CCDC146: variants seen among roughly 807,000 people sequenced by gnomAD.
CCDC146 encodes coiled-coil domain-containing protein 146.
Under a neutral mutation model 119.3 loss-of-function variants are expected in CCDC146, and 92 were observed. That is an observed-to-expected ratio of 0.77 (90% CI 0.65 to 0.92). The LOEUF is 0.92. CCDC146 is among the 40% of genes least tolerant of loss of function. The pLI is 0.00. For synonymous variants in CCDC146, 372 were observed against 371.8 expected (o/e 1.00, Z -0.01); for missense variants, 1,000 against 1,103.0 (o/e 0.91, Z 1.32).
chr7:77,204,909 A>G (rs895701975), intron 2 of CCDC146, among the ~76,000 whole-genome samples: 5 of 152,210 alleles, frequency 3.3e-5, no homozygotes, highest in African/African-American at 4.8e-5. Context: ...ACTTGAGGCC[A>G]GAAATTCAAG....
intron 6 of CCDC146, chr7:77,257,108 A>AAAC (rs1013395848): frequency 1.3e-5 from 2 of 153,352 alleles, no homozygotes; most frequent in Non-Finnish European, 2.9e-5. Context: ...TCCCTCTCAA[A>AAAC]AACAACAACA....
At chr7:77,234,573 A>G (rs145792589) in intron 2 of CCDC146, among the ~76,000 whole-genome samples, 1,650 of 152,080 alleles carry the variant, frequency 0.011, 27 homozygotes, top group African/African-American at 0.038. Flanking sequence ...CATCTCTACT[A>G]AAATACAAAA....
intron 2 of CCDC146, chr7:77,195,611 G>C (rs541941687): frequency 6.6e-6 from 1 of 152,046 alleles, no homozygotes; most frequent in Non-Finnish European, 1.5e-5. Context: ...TTAAATCATG[G>C]CCCAAATACA....
intron 2 of CCDC146, among the ~76,000 whole-genome samples, chr7:77,185,372 A>G (rs552721713): frequency 9.2e-5 from 14 of 152,202 alleles, no homozygotes; most frequent in Non-Finnish European, 1.9e-4. Flanking sequence ...ACGTTTAAAC[A>G]TAAACACAAG....
intron 2 of CCDC146, chr7:77,193,573 A>G (rs1791809534): frequency 6.6e-6 from 1 of 152,214 alleles, no homozygotes; most frequent in Non-Finnish European, 1.5e-5. Context: ...TTCAAAAGTA[A>G]AGACCACAAG....
At chr7:77,221,169 A>G (rs1402344307) in intron 2 of CCDC146, among the ~76,000 whole-genome samples, 1 of 152,154 alleles carries the variant, frequency 6.6e-6, no homozygotes, top group African/African-American at 2.4e-5. Context: ...ATCCACCCCC[A>G]TGATCCAGTC....
chr7:77,293,091 A>G lies in CCDC146; in HGVS notation c.2555A>G (p.Asn852Ser), dbSNP rs1422453055. 3 of 1,614,110 alleles carry G rather than the reference A, an allele frequency of 1.9e-6. No individual in the cohort carries two copies. Among genetic ancestry groups the G allele is most frequent in the Non-Finnish European group, 2.5e-6 (3 of 1,180,048 alleles). Residue 852 changes from asparagine to serine, a missense_variant, in exon 18 of 19, where the codon AAT becomes AGT. Physicochemically the swap from Asn to Ser is conservative, Grantham distance 46 (BLOSUM62 1). Around this residue, in one of 2 missense-constraint regions of CCDC146, gnomAD observed 985 missense variants for 1,045.3 expected, o/e 0.94. Transcript: ENST00000285871. The stretch of plus-strand genomic sequence containing the variant: ...AAAGAAGACTTCATCTTCACTTGCA[A>G]TTCCAGGATAGAAAAAGGTCTGCCA... Reference protein sequence around the residue: ...REKEDFIFTCNSRIEKGLPLN... With the variant: ...REKEDFIFTCSSRIEKGLPLN...
At chr7:77,285,650 C>T (rs897241211) in intron 15 of CCDC146, among the ~76,000 whole-genome samples, 1 of 152,160 alleles carries the variant, frequency 6.6e-6, no homozygotes, top group African/African-American at 2.4e-5. Context: ...CACAGGTATT[C>T]AGTAGGAAAA....
rs1491441644 is a variant in CCDC146 at position 77,292,302 on chromosome 7, T to TTTTTC, written c.2416-646_2416-645insCTTTT. ...GAACAAGACCTTGTCTTTATTTTAA[T>TTTTTC]TTTTTTTTTTTTTTTTTTAAAGAAC... On this transcript the variant is annotated intron_variant, in intron 17 of 18. Transcript: ENST00000285871. 1.3e-3 allele frequency among the ~76,000 whole-genome samples: 4 copies of TTTTTC among 3,026 alleles called. No individual in the cohort carries two copies. The African/African-American group carries it at 0.043, about 32-fold the overall frequency. The allele number at this position is 3,026 out of a possible 152,430, so 2.0% of individuals were successfully genotyped here. A position where few individuals can be genotyped will look rare whatever the true frequency, so the allele number is the denominator to read the frequency against.
At chr7:77,188,616 T>A (rs189789782) in intron 2 of CCDC146, among the ~76,000 whole-genome samples, 43 of 152,240 alleles carry the variant, frequency 2.8e-4, no homozygotes, top group African/African-American at 9.9e-4. Flanking sequence ...AGGTGGTATC[T>A]CCAAGAAGAT....
At chr7:77,155,439 A>T (rs771309422) in intron 1 of CCDC146, among the ~76,000 whole-genome samples, 4 of 152,028 alleles carry the variant, frequency 2.6e-5, no homozygotes, top group Non-Finnish European at 5.9e-5. Flanking sequence ...GCCTGCCTGT[A>T]TTGTTGATCC....
chr7:77,205,341 C>T (rs1470404892), intron 2 of CCDC146, among the ~76,000 whole-genome samples: 1 of 152,054 alleles, frequency 6.6e-6, no homozygotes, highest in Admixed American at 6.6e-5. Context: ...TTTAAAGACA[C>T]CCTATTTAAT....
At chr7:77,178,151 GT>G (rs1254813209) in intron 2 of CCDC146, among the ~76,000 whole-genome samples, 7 of 152,188 alleles carry the variant, frequency 4.6e-5, no homozygotes, top group Non-Finnish European at 8.8e-5. Flanking sequence ...AGAGGTCAGG[GT>G]AAGAGGAAAG....
At chr7:77,198,461 T>A (rs1014266583) in intron 2 of CCDC146, 3 of 207,062 alleles carry the variant, frequency 1.4e-5, no homozygotes, top group African/African-American at 7.1e-5. Flanking sequence ...ATTAAGTCTG[T>A]GGAATTTCAC....
intron 1 of CCDC146, among the ~76,000 whole-genome samples, chr7:77,163,860 C>CTTTTTTTTTT (rs530810388): frequency 1.0e-4 from 11 of 110,036 alleles, no homozygotes; most frequent in South Asian, 2.7e-4. Flanking sequence ...TCTTTTTTTT[C>CTTTTTTTTTT]TTTTTTTTTT....
intron 1 of CCDC146, among the ~76,000 whole-genome samples, chr7:77,166,501 G>A (rs554219963): frequency 1.3e-5 from 2 of 151,270 alleles, no homozygotes; most frequent in South Asian, 2.1e-4. Context: ...AAATTACAAT[G>A]AGTATAAATT....
intron 2 of CCDC146, among the ~76,000 whole-genome samples, chr7:77,220,995 T>G (rs1218477317): frequency 6.6e-6 from 1 of 152,082 alleles, no homozygotes; most frequent in Non-Finnish European, 1.5e-5. Flanking sequence ...CTCAGGGAGC[T>G]TTTACTCATG....
intron 1 of CCDC146, among the ~76,000 whole-genome samples, chr7:77,134,128 C>T (rs1442304787): frequency 1.3e-5 from 2 of 151,368 alleles, no homozygotes; most frequent in South Asian, 4.2e-4. Flanking sequence ...GGATGCAGAA[C>T]TCTACAAGAG....
At chr7:77,143,684 C>A (rs1790971011) in intron 1 of CCDC146, among the ~76,000 whole-genome samples, 1 of 151,738 alleles carries the variant, frequency 6.6e-6, no homozygotes, top group African/African-American at 2.4e-5. Flanking sequence ...ATCCTTTCTC[C>A]ATTGCTTGTT....
Sources: gnomAD v4.1 joint callset for allele counts (sites outside exome capture counted in the v4.1 genomes callset) on GRCh38, gnomAD v4.1.1 for gene constraint, gnomAD v4.1.1 regional missense constraint, MANE v1.5 for transcripts, NCBI Gene and HGNC (gene_info 2026-07-23, HGNC 2026-07-21) for gene names.